Variants in VMP1 observed in about 807,000 individuals in gnomAD.
VMP1 encodes the protein ectopic P-granules autophagy protein 3 homolog.
In VMP1, 11 loss-of-function variants were observed where a neutral mutation model predicts 56.0. The observed-to-expected ratio is 0.20, with a 90% CI of 0.12 to 0.32. VMP1 has a LOEUF of 0.32. Among genes scored for constraint, VMP1 ranks in the 10% least tolerant of loss-of-function variants. The probability of loss-of-function intolerance (pLI) is 1.00; values close to 1 mark genes in which losing one functional copy is unlikely to be tolerated. For synonymous variants in VMP1, 149 were observed against 165.0 expected (o/e 0.90, Z 0.74); for missense variants, 296 against 490.3 (o/e 0.60, Z 3.74).
rs564741316 is a variant in VMP1 at position 59,765,156 on chromosome 17, A to G, written c.582+18A>G. 54 of 1,610,826 alleles carry G rather than the reference A, an allele frequency of 3.4e-5. No homozygotes were observed. Among genetic ancestry groups the G allele is most frequent in the Non-Finnish European group, 4.4e-5 (52 of 1,178,756 alleles). ...GCATGTGGGTAAGATATGCATTTTC[A>G]TATTTGTTTAAAACTAACCTCACCA... is the stretch of plus-strand genomic sequence containing the variant. On this transcript the variant is annotated intron_variant, in intron 6 of 11. Transcript: ENST00000262291.
chr17:59,740,744 G>A (rs2035196446), intron 5 of VMP1, among the ~76,000 whole-genome samples: 1 of 152,174 alleles, frequency 6.6e-6, no homozygotes, highest in Non-Finnish European at 1.5e-5. Context: ...TAGAGGTTGA[G>A]GGAGAGAGGA....
intron 7 of VMP1, among the ~76,000 whole-genome samples, chr17:59,796,424 A>G (rs1035206144): frequency 3.3e-5 from 5 of 152,246 alleles, no homozygotes; most frequent in African/African-American, 1.2e-4. Flanking sequence ...GAATGAATGT[A>G]TGAACGAATC....
chr17:59,804,324 TAA>T (rs1251093297), intron 7 of VMP1, among the ~76,000 whole-genome samples: 1 of 151,832 alleles, frequency 6.6e-6, no homozygotes, highest in Non-Finnish European at 1.5e-5. Context: ...GAAAGTAAAA[TAA>T]ATTTGGGCCT....
chr17:59,798,157 T>G (rs2037510223), intron 7 of VMP1, among the ~76,000 whole-genome samples: 1 of 152,180 alleles, frequency 6.6e-6, no homozygotes, highest in Non-Finnish European at 1.5e-5. Flanking sequence ...ACTCATACTG[T>G]TTTCTCCTGC....
chr17:59,761,215 T>C (rs1409119675), intron 5 of VMP1, among the ~76,000 whole-genome samples: 1 of 152,232 alleles, frequency 6.6e-6, no homozygotes, highest in Admixed American at 6.5e-5. Flanking sequence ...TGTTTTATTT[T>C]CTTTGTGTCG....
intron 10 of VMP1, among the ~76,000 whole-genome samples, chr17:59,822,768 C>T (rs1053251345): frequency 2.0e-5 from 3 of 152,092 alleles, no homozygotes; most frequent in Admixed American, 6.6e-5. Flanking sequence ...TAGAGTAGTA[C>T]TTTATTTCAG....
At chr17:59,746,707 G>A (rs1303083842) in intron 5 of VMP1, among the ~76,000 whole-genome samples, 1 of 152,202 alleles carries the variant, frequency 6.6e-6, no homozygotes, top group Admixed American at 6.6e-5. Flanking sequence ...TTAAGATACT[G>A]TTTATGCAAG....
At chr17:59,747,979 G>A (rs993994963) in intron 5 of VMP1, among the ~76,000 whole-genome samples, 1 of 151,602 alleles carries the variant, frequency 6.6e-6, no homozygotes, top group Non-Finnish European at 1.5e-5. Context: ...GGCGGATCAC[G>A]AGGTCAGAAG....
chr17:59,799,257 C>T (rs940494755), intron 7 of VMP1, among the ~76,000 whole-genome samples: 1 of 152,028 alleles, frequency 6.6e-6, no homozygotes, highest in Non-Finnish European at 1.5e-5. Flanking sequence ...ATAAAATATC[C>T]TTGCTTTTAT....
chr17:59,757,249 A>C (rs756115632), intron 5 of VMP1, among the ~76,000 whole-genome samples: 13,943 of 136,074 alleles, frequency 0.1, 725 homozygotes, highest in Middle Eastern at 0.18. Context: ...AGATAGATAG[A>C]TAGATAGATA....
chr17:59,828,570 C>T lies in VMP1; in HGVS notation c.975-9725C>T, dbSNP rs572680891. On this transcript the variant is annotated intron_variant, in intron 10 of 11. Coordinates refer to ENST00000262291, the MANE Select transcript of VMP1 (RefSeq NM_030938.5). ...TGAATGAAATTCAAGATGTTTTAATCCCAGATCCTGGGGTCAAATCACAAC... is the reference window on the plus strand; with the variant it reads ...TGAATGAAATTCAAGATGTTTTAATTCCAGATCCTGGGGTCAAATCACAAC... Among the ~76,000 whole-genome samples the T allele has an allele frequency of 1.9e-4, 29 of 152,246 alleles. No homozygotes were observed. In the South Asian group the frequency reaches 6.0e-3, roughly 32 times the overall value.
intron 10 of VMP1, among the ~76,000 whole-genome samples, chr17:59,835,088 G>T (rs1436330529): frequency 1.3e-5 from 2 of 151,962 alleles, no homozygotes; most frequent in Non-Finnish European, 2.9e-5. Context: ...TAGAGACAGG[G>T]TTTCACCATG....
At chr17:59,713,498 T>C (rs2143700061) in intron 1 of VMP1, among the ~76,000 whole-genome samples, 1 of 151,874 alleles carries the variant, frequency 6.6e-6, no homozygotes, top group Non-Finnish European at 1.5e-5. Context: ...TTTTCAACCA[T>C]GGACCAGATG....
At chr17:59,747,736 A>T (rs1212052162) in intron 5 of VMP1, among the ~76,000 whole-genome samples, 1 of 151,690 alleles carries the variant, frequency 6.6e-6, no homozygotes, top group Non-Finnish European at 1.5e-5. Context: ...TAAAAAAAAA[A>T]TTATTTTAAT....
At chr17:59,838,100 CTTTTTTTTTTT>C (rs371074488) in intron 10 of VMP1, 184 bp from the exon 11 acceptor site, 2 of 129,364 alleles carry the variant, frequency 1.5e-5, no homozygotes, top group South Asian at 1.7e-4. Flanking sequence ...AGTAAATTTT[CTTTTTTTTTTT>C]TTTTTTTTTT....
chr17:59,802,222 A>AT (rs1222847284), intron 7 of VMP1, among the ~76,000 whole-genome samples: 28 of 152,054 alleles, frequency 1.8e-4, no homozygotes, highest in African/African-American at 6.7e-4. Flanking sequence ...ATAAAACAAA[A>AT]TAAAATAAAA....
At chr17:59,732,800 A>G (rs2143808556) in intron 2 of VMP1, among the ~76,000 whole-genome samples, 1 of 152,324 alleles carries the variant, frequency 6.6e-6, no homozygotes, top group Non-Finnish European at 1.5e-5. Flanking sequence ...AATTAACATT[A>G]GCATGTCAAA....
chr17:59,734,967 A>G (rs1373817525), intron 2 of VMP1, among the ~76,000 whole-genome samples: 2 of 124,730 alleles, frequency 1.6e-5, no homozygotes, highest in Non-Finnish European at 3.1e-5. Context: ...GCTGGTCTTC[A>G]GTGGCACAAT....
chr17:59,807,350 A>G (rs2037880796), intron 7 of VMP1, among the ~76,000 whole-genome samples: 1 of 151,726 alleles, frequency 6.6e-6, no homozygotes, highest in African/African-American at 2.4e-5. Context: ...GGCGCCTGCC[A>G]GCACGCCCGG....
Sources: allele counts gnomAD v4.1 joint callset (sites outside exome capture counted in the v4.1 genomes callset), GRCh38; gene constraint gnomAD v4.1.1; transcripts MANE v1.5; gene names NCBI Gene and HGNC (gene_info 2026-07-23, HGNC 2026-07-21).